Variants in PLD5 observed in about 807,000 individuals in gnomAD.
PLD5 encodes inactive phospholipase D5.
In PLD5, 36 loss-of-function variants were observed where a neutral mutation model predicts 61.1. The observed-to-expected ratio is 0.59, with a 90% CI of 0.45 to 0.78. The LOEUF is 0.78. Ranked by LOEUF, PLD5 falls within the 30% of genes least tolerant of loss-of-function variation. The probability of loss-of-function intolerance (pLI) is 0.00; values close to 1 mark genes in which losing one functional copy is unlikely to be tolerated. For missense variants in PLD5, 515 were observed against 644.4 expected, an observed-to-expected ratio of 0.80 and a Z score of 2.17; for synonymous variants, 243 against 242.8, an observed-to-expected ratio of 1.00 and a Z score of -0.01.
intron 1 of PLD5, among the ~76,000 whole-genome samples, chr1:242,474,131 T>C (rs1304551725): frequency 6.6e-6 from 1 of 152,230 alleles, no homozygotes; most frequent in Non-Finnish European, 1.5e-5. Flanking sequence ...GAGAAATCAG[T>C]GAGAGACATT....
At chr1:242,407,560 TG>T (rs1468212761) in intron 1 of PLD5, among the ~76,000 whole-genome samples, 2,705 of 117,456 alleles carry the variant, frequency 0.023, 104 homozygotes, top group African/African-American at 0.096. Context: ...GTGGTTGTTT[TG>T]TTTTTTTTTT....
At chr1:242,170,161 A>G (rs1366257725) in intron 5 of PLD5, among the ~76,000 whole-genome samples, 1 of 151,790 alleles carries the variant, frequency 6.6e-6, no homozygotes, top group Non-Finnish European at 1.5e-5. Context: ...GGTGGGGCCA[A>G]CAGACACCTC....
At chr1:242,207,840 ATT>A (rs1315508258) in intron 5 of PLD5, among the ~76,000 whole-genome samples, 7 of 37,838 alleles carry the variant, frequency 1.8e-4, no homozygotes, top group Non-Finnish European at 3.5e-4. Context: ...ATATTTATAT[ATT>A]TATATATATT....
At chr1:242,323,590 C>G (rs1658559352) in intron 2 of PLD5, among the ~76,000 whole-genome samples, 2 of 152,154 alleles carry the variant, frequency 1.3e-5, no homozygotes, top group African/African-American at 2.4e-5. Context: ...CAAATCACTC[C>G]AGTCCCTTTT....
chr1:242,401,175 TTC>T (rs1308949743), intron 1 of PLD5, among the ~76,000 whole-genome samples: 3 of 152,142 alleles, frequency 2.0e-5, no homozygotes, highest in Admixed American at 2.0e-4. Flanking sequence ...TCTTCGATTC[TTC>T]TCTGTCTCTT....
chr1:242,356,387 C>T (rs368401768), intron 1 of PLD5, among the ~76,000 whole-genome samples: 3 of 151,796 alleles, frequency 2.0e-5, no homozygotes, highest in East Asian at 3.9e-4. Context: ...ATCACTACCC[C>T]TGTTCTCATT....
chr1:242,383,898 G>A (rs1049394779), intron 1 of PLD5, among the ~76,000 whole-genome samples: 11 of 152,140 alleles, frequency 7.2e-5, no homozygotes, highest in Non-Finnish European at 1.3e-4. Context: ...AAAATACAAG[G>A]AAACTGGTGT....
chr1:242,149,411 T>C (rs958355664), intron 5 of PLD5, among the ~76,000 whole-genome samples: 9 of 151,850 alleles, frequency 5.9e-5, no homozygotes, highest in African/African-American at 2.2e-4. Flanking sequence ...TTCCCATCCA[T>C]GTTTATGACA....
At chr1:242,402,816 T>TGA (rs1664014532) in intron 1 of PLD5, among the ~76,000 whole-genome samples, 1 of 152,208 alleles carries the variant, frequency 6.6e-6, no homozygotes. Context: ...TGAAAGTGAA[T>TGA]ATAATTCCTA....
intron 1 of PLD5, among the ~76,000 whole-genome samples, chr1:242,353,049 T>C (rs879605171): frequency 6.6e-6 from 1 of 152,166 alleles, no homozygotes; most frequent in Admixed American, 6.5e-5. Context: ...TGTAATCCCA[T>C]GTGTTTATTT....
At chr1:242,251,187 A>G (rs1672680246) in intron 4 of PLD5, among the ~76,000 whole-genome samples, 1 of 152,166 alleles carries the variant, frequency 6.6e-6, no homozygotes, top group African/African-American at 2.4e-5. Flanking sequence ...CTTAGGAAAA[A>G]CAATGTGTGG....
intron 1 of PLD5, among the ~76,000 whole-genome samples, chr1:242,421,843 A>G (rs1188096293): frequency 6.6e-6 from 1 of 152,232 alleles, no homozygotes; most frequent in Non-Finnish European, 1.5e-5. Flanking sequence ...GAAAAATCTG[A>G]TGAAATGGAG....
intron 3 of PLD5, among the ~76,000 whole-genome samples, chr1:242,271,270 G>A (rs1262570130): frequency 1.4e-5 from 2 of 142,460 alleles, no homozygotes; most frequent in Non-Finnish European, 3.0e-5. Flanking sequence ...AGGGGAAAAG[G>A]CTGATATATA....
At chr1:242,423,532 C>T (rs887626033) in intron 1 of PLD5, among the ~76,000 whole-genome samples, 3 of 152,162 alleles carry the variant, frequency 2.0e-5, no homozygotes, top group Non-Finnish European at 2.9e-5. Context: ...GTTTCTTCAT[C>T]TATAAAATGG....
At chr1:242,182,044 T>C (rs951691840) in intron 5 of PLD5, among the ~76,000 whole-genome samples, 4 of 152,332 alleles carry the variant, frequency 2.6e-5, no homozygotes, top group East Asian at 1.9e-4. Flanking sequence ...GTACATATAG[T>C]TGCTTCCCTA....
chr1:242,412,336 G>T (rs180862918), intron 1 of PLD5, among the ~76,000 whole-genome samples: 2 of 152,246 alleles, frequency 1.3e-5, no homozygotes, highest in Admixed American at 1.3e-4. Flanking sequence ...TGGGGGCTTA[G>T]AATTTTATTT....
intron 1 of PLD5, among the ~76,000 whole-genome samples, chr1:242,415,581 C>T (rs1455784118): frequency 1.3e-5 from 2 of 149,406 alleles, no homozygotes; most frequent in African/African-American, 5.0e-5. Flanking sequence ...GGCGAGATCT[C>T]GGTTCACTGC....
At chr1:242,259,862 T>C (rs35076619) in intron 4 of PLD5, among the ~76,000 whole-genome samples, 41,194 of 152,114 alleles carry the variant, frequency 0.27, 6,279 homozygotes, top group Non-Finnish European at 0.35. Context: ...ACAGTAACTA[T>C]AACATACAAG....
At chr1:242,421,319 T>C (rs1336696904) in intron 1 of PLD5, among the ~76,000 whole-genome samples, 1 of 152,104 alleles carries the variant, frequency 6.6e-6, no homozygotes, top group African/African-American at 2.4e-5. Context: ...ATCATTGACA[T>C]TCCAGGCTGT....
Sources: gnomAD v4.1 joint callset for allele counts (sites outside exome capture counted in the v4.1 genomes callset) on GRCh38, gnomAD v4.1.1 for gene constraint, MANE v1.5 for transcripts, NCBI Gene and HGNC (gene_info 2026-07-23, HGNC 2026-07-21) for gene names.